Variants in AKAP6 observed in about 807,000 individuals in gnomAD.
The protein encoded by AKAP6 is A-kinase anchor protein 6.
Under a neutral mutation model 188.5 loss-of-function variants are expected in AKAP6, and 58 were observed. The observed-to-expected ratio is 0.31, with a 90% CI of 0.25 to 0.38. The LOEUF (loss-of-function observed/expected upper bound fraction) is 0.38, where lower values mean the gene tolerates loss of function less well. Among genes scored for constraint, AKAP6 ranks in the 10% least tolerant of loss-of-function variants. AKAP6 has a pLI of 1.00. For missense variants in AKAP6, 2,710 were observed against 2,740.0 expected (o/e 0.99, Z 0.24); for synonymous variants, 989 against 998.6 (o/e 0.99, Z 0.18).
At chr14:32,717,623 C>T (rs2030291446) in intron 9 of AKAP6, among the ~76,000 whole-genome samples, 1 of 151,728 alleles carries the variant, frequency 6.6e-6, no homozygotes, top group Admixed American at 6.6e-5. Flanking sequence ...CACACACACA[C>T]ACACACACAC....
chr14:32,500,273 G>C (rs1162435600), intron 2 of AKAP6, among the ~76,000 whole-genome samples: 1 of 152,166 alleles, frequency 6.6e-6, no homozygotes, highest in Non-Finnish European at 1.5e-5. Flanking sequence ...TAGAGAAGTA[G>C]TTACCCACAC....
At chr14:32,800,582 G>A (rs8005039) in intron 12 of AKAP6, among the ~76,000 whole-genome samples, 103,901 of 151,930 alleles carry the variant, frequency 0.68, 35,671 homozygotes, top group South Asian at 0.82. Context: ...ACCCTTCATT[G>A]TCCCCGATAA....
At chr14:32,768,395 C>T (rs2032783333) in intron 11 of AKAP6, among the ~76,000 whole-genome samples, 1 of 152,058 alleles carries the variant, frequency 6.6e-6, no homozygotes. Flanking sequence ...TAGCAAATGA[C>T]TTATTTGATA....
At chr14:32,597,050 G>A (rs1201674392) in intron 5 of AKAP6, among the ~76,000 whole-genome samples, 1 of 152,056 alleles carries the variant, frequency 6.6e-6, no homozygotes, top group African/African-American at 2.4e-5. Context: ...CTACAGCATC[G>A]AGCTTATCAG....
At chr14:32,814,508 A>T (rs1423198536) in intron 12 of AKAP6, among the ~76,000 whole-genome samples, 3 of 152,148 alleles carry the variant, frequency 2.0e-5, no homozygotes, top group Non-Finnish European at 4.4e-5. Flanking sequence ...ACAATATATG[A>T]CTTTATTATG....
chr14:32,740,402 T>C (rs1265420631), intron 11 of AKAP6, among the ~76,000 whole-genome samples: 1 of 152,132 alleles, frequency 6.6e-6, no homozygotes, highest in African/African-American at 2.4e-5. Flanking sequence ...CCATTTTTGC[T>C]GAGGTTGCTT....
intron 11 of AKAP6, 89 bp from the exon 12 acceptor site, chr14:32,773,589 A>C: frequency 7.9e-7 from 1 of 1,261,864 alleles, no homozygotes; most frequent in South Asian, 1.4e-5. Flanking sequence ...TATCACTACA[A>C]TTTGAAATTA....
chr14:32,479,002 G>T (rs1323675695), intron 2 of AKAP6, among the ~76,000 whole-genome samples: 9 of 152,070 alleles, frequency 5.9e-5, no homozygotes, highest in Admixed American at 5.9e-4. Flanking sequence ...ACATGTTAAA[G>T]GACTCCTAGG....
chr14:32,662,051 C>G (rs888036192), intron 7 of AKAP6, among the ~76,000 whole-genome samples: 3 of 151,776 alleles, frequency 2.0e-5, no homozygotes, highest in African/African-American at 4.8e-5. Context: ...GTAGGTGAAC[C>G]CAGGATTACC....
chr14:32,474,691 T>C (rs1035968644), intron 2 of AKAP6: 1 of 152,214 alleles, frequency 6.6e-6, no homozygotes, highest in South Asian at 2.1e-4. Context: ...GGGATGAGGA[T>C]TTAAGTTTCC....
At chr14:32,407,928 A>C (rs1889351186) in intron 1 of AKAP6, among the ~76,000 whole-genome samples, 1 of 152,244 alleles carries the variant, frequency 6.6e-6, no homozygotes, top group South Asian at 2.1e-4. Context: ...CCTACGGCAC[A>C]GCAAAGAGTT....
intron 1 of AKAP6, among the ~76,000 whole-genome samples, chr14:32,406,720 A>G (rs933940226): frequency 6.6e-6 from 1 of 152,166 alleles, no homozygotes; most frequent in African/African-American, 2.4e-5. Flanking sequence ...AGTAAAGTAG[A>G]AAAGAAAGAG....
At chr14:32,510,193 C>T (rs1455627402) in intron 2 of AKAP6, among the ~76,000 whole-genome samples, 2 of 151,656 alleles carry the variant, frequency 1.3e-5, no homozygotes, top group South Asian at 4.2e-4. Flanking sequence ...CCCATGACTA[C>T]TAATAGTGTC....
chr14:32,534,764 A>C (rs1448093507), intron 2 of AKAP6, among the ~76,000 whole-genome samples: 2 of 151,796 alleles, frequency 1.3e-5, no homozygotes, highest in Admixed American at 1.3e-4. Flanking sequence ...TCAGGAGTTC[A>C]AGACCAGCCT....
At chr14:32,515,581 G>A (rs1396549359) in intron 2 of AKAP6, among the ~76,000 whole-genome samples, 1 of 152,134 alleles carries the variant, frequency 6.6e-6, no homozygotes, top group Non-Finnish European at 1.5e-5. Flanking sequence ...CTTTGGGCTT[G>A]AGAGTACAGG....
At chr14:32,396,898 C>T (rs904978082) in intron 1 of AKAP6, among the ~76,000 whole-genome samples, 3 of 152,172 alleles carry the variant, frequency 2.0e-5, no homozygotes, top group Non-Finnish European at 4.4e-5. Flanking sequence ...TAAGTGTCTG[C>T]TGTGACTTGC....
chr14:32,660,931 C>G (rs2383366), intron 7 of AKAP6, among the ~76,000 whole-genome samples: 5,387 of 104,322 alleles, frequency 0.052, 552 homozygotes, highest in East Asian at 0.23. Context: ...GCCACCCCCC[C>G]CCCTCCCAAT....
chr14:32,748,315 G>GA (rs1277828302), intron 11 of AKAP6, among the ~76,000 whole-genome samples: 1 of 152,084 alleles, frequency 6.6e-6, no homozygotes, highest in Non-Finnish European at 1.5e-5. Flanking sequence ...TCATCTTCCT[G>GA]AAAGCTCCAG....
chr14:32,422,290 T>C (rs1210961775), intron 1 of AKAP6, among the ~76,000 whole-genome samples: 1 of 152,146 alleles, frequency 6.6e-6, no homozygotes, highest in Non-Finnish European at 1.5e-5. Context: ...TCAGACCAAC[T>C]GGCTATAAAG....
Sources: gnomAD v4.1 joint callset for allele counts (sites outside exome capture counted in the v4.1 genomes callset) on GRCh38, gnomAD v4.1.1 for gene constraint, MANE v1.5 for transcripts, NCBI Gene and HGNC (gene_info 2026-07-23, HGNC 2026-07-21) for gene names.